The following FREM1 variants were observed in gnomAD, a reference collection of about 807,000 sequenced individuals.
The protein encoded by FREM1 is FRAS1-related extracellular matrix protein 1.
A neutral mutation model predicts 210.1 loss-of-function variants in FREM1; 220 were observed. The observed-to-expected ratio is 1.05, with a 90% confidence interval of 0.94 to 1.17. FREM1 has a LOEUF of 1.17. FREM1 is among the 50% of genes most tolerant of loss of function. The pLI, the probability that FREM1 is intolerant of heterozygous loss-of-function variation, is 0.00. For missense variants in FREM1, 3,454 were observed against 2,675.5 expected, an observed-to-expected ratio of 1.29 and a Z score of -6.42; for synonymous variants, 1,189 against 980.2, an observed-to-expected ratio of 1.21 and a Z score of -3.98.
Position 14,824,963 on chromosome 9 carries a change from A to G in FREM1, c.1911T>C (p.Asp637=), listed in dbSNP as rs2130835381. ...QVATIHITPV[D]DQLPKEAPGV... ...CAGGAGCCTCTTTTGGAAGCTGGTC[A>G]TCCACTGGAGTTATATGGATTGTTG... Residue 637 remains aspartate (D), a synonymous_variant, in exon 11 of 37, where the codon GAT becomes GAC. Transcript: ENST00000380880. The G allele has an allele frequency of 6.2e-7, 1 of 1,604,310 alleles. No individual in the cohort carries two copies. The highest frequency in any genetic ancestry group is 8.5e-7 in the Non-Finnish European group (1 of 1,177,754).
chr9:14,885,462 C>G (rs1415402651), intron 1 of FREM1, among the ~76,000 whole-genome samples: 1 of 152,166 alleles, frequency 6.6e-6, no homozygotes, highest in African/African-American at 2.4e-5. Flanking sequence ...CCCTGTCGCC[C>G]AGGCTAGCAT....
Position 14,808,028 on chromosome 9 carries a change from T to C in FREM1, c.3000A>G (p.Pro1000=). The change falls in exon 17 of 37, where the codon CCA becomes CCG. Residue 1000 remains proline, a synonymous_variant. Transcript: ENST00000380880. The part of the protein sequence containing the change: ...VNGCCYNGPN[P]SVPLHASFPV... ...GAAAGGACGCATGAAGTGGAACAGA[T>C]GGATTGGGTCCATTGTAGCAACAGC... The C allele has an allele frequency of 1.2e-6, 2 of 1,613,794 alleles. No individual in the cohort carries two copies. The highest frequency in any genetic ancestry group is 1.7e-6 in the Non-Finnish European group (2 of 1,179,718).
chr9:14,781,719 T>G (rs1849668752), intron 24 of FREM1, among the ~76,000 whole-genome samples: 1 of 152,196 alleles, frequency 6.6e-6, no homozygotes, highest in Non-Finnish European at 1.5e-5. Flanking sequence ...ATTCTTTTTT[T>G]TGAGATGGAG....
intron 35 of FREM1, 59 bp from the exon 36 acceptor site, chr9:14,740,293 G>A (rs931621962): frequency 2.0e-5 from 24 of 1,192,222 alleles, no homozygotes; most frequent in East Asian, 1.9e-4. Flanking sequence ...CTGCTGATAC[G>A]AAATGCATAA....
At chr9:14,748,160 A>G (rs1842786092) in intron 31 of FREM1, among the ~76,000 whole-genome samples, 1 of 152,158 alleles carries the variant, frequency 6.6e-6, no homozygotes, top group Non-Finnish European at 1.5e-5. Context: ...CACAAAAGGA[A>G]TCAAAGAAGA....
intron 25 of FREM1, among the ~76,000 whole-genome samples, chr9:14,775,567 G>C (rs942434750): frequency 6.6e-6 from 1 of 151,806 alleles, no homozygotes; most frequent in African/African-American, 2.4e-5. Flanking sequence ...AGTTAGCTGG[G>C]CATGGTGGCA....
chr9:14,871,983 T>A (rs187091728), intron 1 of FREM1, among the ~76,000 whole-genome samples: 13 of 152,294 alleles, frequency 8.5e-5, no homozygotes, highest in African/African-American at 3.1e-4. Flanking sequence ...TTTGTAGACA[T>A]GCGGCATTAT....
intron 25 of FREM1, 45 bp from the exon 26 acceptor site, chr9:14,770,851 A>T: frequency 2.1e-6 from 3 of 1,421,208 alleles, no homozygotes; most frequent in Non-Finnish European, 9.8e-7. Flanking sequence ...AAGGCCCCTC[A>T]CCCCCATGCA....
chr9:14,802,594 G>A (rs1443085405), intron 19 of FREM1, among the ~76,000 whole-genome samples: 1 of 152,122 alleles, frequency 6.6e-6, no homozygotes, highest in East Asian at 1.9e-4. Context: ...ATTTCATGTA[G>A]TATCTAGTCA....
Position 14,819,372 on chromosome 9 carries a change from G to A in FREM1, c.2408C>T (p.Ser803Phe). 1.2e-6 allele frequency: 2 copies of A among 1,613,290 alleles called. No homozygotes were observed. The highest frequency in any genetic ancestry group is 1.1e-5 in the South Asian group (1 of 91,036). ...SIISTEHILISDADTKLDNID... is the reference protein window; with the variant it reads ...SIISTEHILIFDADTKLDNID... ...ATTGTCCAGCTTGGTATCTGCATCAGAAATTAGAATGTGCTCTGTGCTGAT... is the reference window on the plus strand; with the variant it reads ...ATTGTCCAGCTTGGTATCTGCATCAAAAATTAGAATGTGCTCTGTGCTGAT... Residue 803 changes from serine to phenylalanine, a missense_variant, in exon 14 of 37, where the codon TCT becomes TTT. Coordinates refer to ENST00000380880, the MANE Select transcript of FREM1 (RefSeq NM_001379081.2).
intron 1 of FREM1, among the ~76,000 whole-genome samples, chr9:14,891,687 G>T (rs899456699): frequency 1.3e-5 from 2 of 152,352 alleles, no homozygotes; most frequent in East Asian, 3.9e-4. Flanking sequence ...CCCAGAAGGG[G>T]AAAGAGTTAA....
intron 1 of FREM1, among the ~76,000 whole-genome samples, chr9:14,908,736 G>A (rs1012178914): frequency 1.3e-5 from 2 of 152,124 alleles, no homozygotes; most frequent in Admixed American, 1.3e-4. Flanking sequence ...GGACAATGTA[G>A]AGCAATGTTT....
intron 29 of FREM1, among the ~76,000 whole-genome samples, chr9:14,750,477 C>T (rs1843153300): frequency 6.6e-6 from 1 of 152,006 alleles, no homozygotes; most frequent in South Asian, 2.1e-4. Flanking sequence ...ATGATGTTTC[C>T]GTTTAAATGC....
intron 28 of FREM1, among the ~76,000 whole-genome samples, chr9:14,758,913 T>TA (rs1387527165): frequency 6.6e-6 from 1 of 152,168 alleles, no homozygotes; most frequent in African/African-American, 2.4e-5. Flanking sequence ...CCTGTATTAG[T>TA]ATATGCTCTC....
intron 1 of FREM1, among the ~76,000 whole-genome samples, chr9:14,906,504 A>G (rs1199164166): frequency 2.0e-5 from 3 of 152,208 alleles, no homozygotes; most frequent in Non-Finnish European, 4.4e-5. Context: ...CACTTTAACA[A>G]AAAAGAAAAA....
At chr9:14,809,399 C>G (rs1210440209) in intron 16 of FREM1, among the ~76,000 whole-genome samples, 2 of 152,144 alleles carry the variant, frequency 1.3e-5, no homozygotes. Context: ...TCAGGGACAT[C>G]CTCCCTTTTC....
chr9:14,889,980 G>A (rs938806628), intron 1 of FREM1, among the ~76,000 whole-genome samples: 1 of 152,188 alleles, frequency 6.6e-6, no homozygotes, highest in Non-Finnish European at 1.5e-5. Context: ...TAAACTGGGG[G>A]AAAGTGAGCA....
intron 10 of FREM1, among the ~76,000 whole-genome samples, chr9:14,828,383 C>G (rs1822879398): frequency 6.6e-6 from 1 of 152,212 alleles, no homozygotes; most frequent in Admixed American, 6.5e-5. Context: ...GAATGTCTAT[C>G]CTATACCTGT....
chr9:14,861,978 C>T (rs979753628), intron 3 of FREM1, among the ~76,000 whole-genome samples: 9 of 152,206 alleles, frequency 5.9e-5, no homozygotes, highest in Non-Finnish European at 1.3e-4. Context: ...CTGCAACTCC[C>T]CACTACCCTT....
Sources: gnomAD v4.1 joint callset for allele counts (sites outside exome capture counted in the v4.1 genomes callset) on GRCh38, gnomAD v4.1.1 for gene constraint, MANE v1.5 for transcripts, NCBI Gene and HGNC (gene_info 2026-07-23, HGNC 2026-07-21) for gene names.